USP42: variants seen among roughly 807,000 people sequenced by gnomAD.
The protein encoded by USP42 is ubiquitin specific peptidase 42.
USP42 carries 23 observed loss-of-function variants against 113.0 expected under a neutral mutation model. The ratio of observed to expected loss-of-function variants is 0.20; its 90% CI spans 0.15 to 0.29. USP42 has a LOEUF of 0.29. Among genes scored for constraint, USP42 ranks in the 10% least tolerant of loss-of-function variants. The probability of loss-of-function intolerance (pLI) is 1.00; values close to 1 mark genes in which losing one functional copy is unlikely to be tolerated. For synonymous variants in USP42, 933 were observed against 699.0 expected (o/e 1.33, Z -5.28); for missense variants, 2,174 against 1,779.8 (o/e 1.22, Z -3.99).
intron 1 of USP42, among the ~76,000 whole-genome samples, chr7:6,107,655 C>G (rs527995235): frequency 6.6e-6 from 1 of 151,940 alleles, no homozygotes; most frequent in Non-Finnish European, 1.5e-5. Context: ...GTGATCTGCC[C>G]GCCTCGTCCT....
Position 6,147,892 on chromosome 7 carries a change from G to C in USP42, c.1386G>C (p.Lys462Asn), listed in dbSNP as rs534812736. The change falls in exon 12 of 18, where the codon AAG (lysine) becomes AAC (asparagine). Residue 462 changes from lysine to asparagine, a missense_variant and splice_region_variant. Transcript: ENST00000306177. ...IGPQLPSHMIKNPPHLNGTGP... is the reference protein window; with the variant it reads ...IGPQLPSHMINNPPHLNGTGP... ...CACAGCTTCCCTCTCACATGATAAA[G>C]GTAACAGTCCTTAGGGAGAAGAACA... 1 of 1,600,102 alleles carries C rather than the reference G, an allele frequency of 6.2e-7. No individual in the cohort carries two copies. Among genetic ancestry groups the C allele is most frequent in the African/African-American group, 1.3e-5 (1 of 74,522 alleles).
At chr7:6,081,316 C>T in the USP42 span, 4 of 149,820 alleles carry the variant, frequency 2.7e-5, no homozygotes, top group Admixed American at 6.8e-5. Context: ...TGGCCCGCGA[C>T]CTAGATCCCC....
chr7:6,104,440 C>T (rs1160810509), upstream of USP42, among the ~76,000 whole-genome samples: 2 of 152,222 alleles, frequency 1.3e-5, no homozygotes, highest in Admixed American at 6.5e-5. Flanking sequence ...AAGGGAGGCG[C>T]AAGGTAGTTG....
In USP42 at chr7:6,154,938, C is replaced by T. The variant is rs1460355383; in HGVS notation, c.3384C>T (p.His1128=). The T allele has an allele frequency of 6.4e-7, 1 of 1,552,526 alleles. No individual in the cohort carries two copies. The highest frequency in any genetic ancestry group is 8.7e-7 in the Non-Finnish European group (1 of 1,147,672). ...GCGCGCCCCACGCCCTCGCCCCGCA[C>T]CCCGACCGCTTCTCCCACGACAGAA... The part of the protein sequence containing the change: ...RAGAPHALAP[H]PDRFSHDRTA... Residue 1128 remains histidine, a synonymous_variant, in exon 15 of 18, where the codon CAC becomes CAT. Transcript: ENST00000306177.
At chr7:6,123,994 G>A (rs1780383230) in intron 3 of USP42, among the ~76,000 whole-genome samples, 1 of 152,042 alleles carries the variant, frequency 6.6e-6, no homozygotes, top group Admixed American at 6.6e-5. Flanking sequence ...TCCTGCCTCG[G>A]TCTCCTAAGT....
intron 12 of USP42, 144 bp from the exon 13 acceptor site, chr7:6,149,439 C>T: frequency 3.8e-6 from 4 of 1,055,012 alleles, no homozygotes; most frequent in Non-Finnish European, 5.3e-6. Flanking sequence ...TTGAGAAAAA[C>T]AGAGAACATT....
In USP42 at chr7:6,154,831, C is replaced by T; in HGVS notation, c.3277C>T (p.His1093Tyr). ...HERAGLHERPHKDHNRGRRGC... is the reference protein window; with the variant it reads ...HERAGLHERPYKDHNRGRRGC... ...GCGGGCCGGGCTGCACGAGCGGCCG[C>T]ACAAGGACCACAACCGGGGCCGTAG... Residue 1093 changes from histidine (H) to tyrosine (Y), a missense_variant, in exon 15 of 18, where the codon CAC (histidine) becomes TAC (tyrosine). By Grantham distance (83) the His-to-Tyr change is moderately conservative (BLOSUM62 2). Transcript: ENST00000306177. 1.3e-6 allele frequency: 2 copies of T among 1,540,154 alleles called. No homozygotes were observed. Among genetic ancestry groups the T allele is most frequent in the Non-Finnish European group, 1.8e-6 (2 of 1,140,968 alleles).
chr7:6,141,102 C>T (rs1327794195), intron 7 of USP42, 118 bp downstream of exon 7: 3 of 495,372 alleles, frequency 6.1e-6, no homozygotes, highest in Non-Finnish European at 1.1e-5. Context: ...ATTCAATATG[C>T]TAAGATTTCA....
At chr7:6,148,840 G>A (rs146677533) in intron 12 of USP42, among the ~76,000 whole-genome samples, 28 of 152,336 alleles carry the variant, frequency 1.8e-4, no homozygotes, top group South Asian at 6.2e-4. Context: ...CCCCTTTTGG[G>A]CTCTGCTCCA....
chr7:6,139,590 T>C lies in USP42; in HGVS notation c.656+396T>C, dbSNP rs73675839. ...AACCCCCACCCCAATCAGTTACTGATTCTTGTAGCTAGTTCCTTAAAATCT... is the reference window on the plus strand; with the variant it reads ...AACCCCCACCCCAATCAGTTACTGACTCTTGTAGCTAGTTCCTTAAAATCT... On this transcript the variant is annotated intron_variant, in intron 5 of 17. Coordinates refer to ENST00000306177, the MANE Select transcript of USP42 (RefSeq NM_032172.3). The surrounding 1 kb of genome is among the most constrained non-coding windows in gnomAD (Gnocchi z 4.5). The C allele has an allele frequency of 9.6e-3, 1,916 of 199,298 alleles. 37 individuals are homozygous for C. The highest frequency in any genetic ancestry group is 0.042 in the African/African-American group (1,787 of 42,350). 12.3% of individuals were successfully genotyped at this position (199,298 alleles called of 1,614,324 possible).
intron 3 of USP42, among the ~76,000 whole-genome samples, chr7:6,118,814 A>G (rs1212088735): frequency 1.3e-5 from 2 of 152,206 alleles, no homozygotes; most frequent in Non-Finnish European, 2.9e-5. Flanking sequence ...CAGAAGAAAA[A>G]AAATCAGTAA....
intron 3 of USP42, among the ~76,000 whole-genome samples, chr7:6,129,002 G>C (rs558315063): frequency 6.6e-6 from 1 of 152,020 alleles, no homozygotes; most frequent in East Asian, 1.9e-4. Flanking sequence ...TGTAGAGACA[G>C]GGTTTCACCA....
At chr7:6,089,822 C>T in the USP42 span, among the ~76,000 whole-genome samples, 8 of 150,906 alleles carry the variant, frequency 5.3e-5, no homozygotes, top group East Asian at 1.9e-4. Context: ...TGAGCTACCG[C>T]GCCCAGCCTC....
intron 3 of USP42, among the ~76,000 whole-genome samples, chr7:6,119,706 G>A (rs551757486): frequency 6.6e-6 from 1 of 151,804 alleles, no homozygotes; most frequent in East Asian, 1.9e-4. Context: ...TGTTGTTGTT[G>A]TTTTGTTTTT....
chr7:6,135,968 G>C lies in USP42; in HGVS notation c.553+17G>C. The C allele has an allele frequency of 8.2e-7, 1 of 1,219,826 alleles. No individual in the cohort carries two copies. Among genetic ancestry groups the C allele is most frequent in the Non-Finnish European group, 1.1e-6 (1 of 877,946 alleles). The allele number at this position is 1,219,826 out of a possible 1,614,324, so 75.6% of individuals were successfully genotyped here. ...AGATGCGGCGTAAGTATTAACTATT[G>C]TAGTTTTATATTTGTATTTATTACC... On this transcript the variant is annotated intron_variant, in intron 4 of 17. Coordinates refer to ENST00000306177, the MANE Select transcript of USP42 (RefSeq NM_032172.3).
chr7:6,091,236 C>G, the USP42 span, among the ~76,000 whole-genome samples: 1 of 150,580 alleles, frequency 6.6e-6, no homozygotes, highest in Non-Finnish European at 1.5e-5. Flanking sequence ...CTTTTCTTTT[C>G]TTTTTTGAGG....
chr7:6,092,036 TTCTTCTTCTTC>T, the USP42 span, among the ~76,000 whole-genome samples: 1 of 97,338 alleles, frequency 1.0e-5, no homozygotes, highest in African/African-American at 4.3e-5. Flanking sequence ...CTTCTTCTTC[TTCTTCTTCTTC>T]TTCTTCTTTC....
chr7:6,133,666 C>A (rs918302641), intron 3 of USP42, among the ~76,000 whole-genome samples: 1 of 151,982 alleles, frequency 6.6e-6, no homozygotes, highest in Admixed American at 6.6e-5. Flanking sequence ...ACTACAAGCA[C>A]GTGCCACCAC....
At chr7:6,083,319 T>TCA in the USP42 span, among the ~76,000 whole-genome samples, 1 of 146,598 alleles carries the variant, frequency 6.8e-6, no homozygotes, top group African/African-American at 2.6e-5. Flanking sequence ...GCAGTGGTGC[T>TCA]ATCTTGGCTC....
Sources: allele counts gnomAD v4.1 joint callset (sites outside exome capture counted in the v4.1 genomes callset), GRCh38; gene constraint gnomAD v4.1.1; non-coding constraint Gnocchi (gnomAD v3.1); transcripts MANE v1.5; gene names NCBI Gene and HGNC (gene_info 2026-07-23, HGNC 2026-07-21).